The following SLC9B1 variants were observed in gnomAD, a reference collection of about 807,000 sequenced individuals.
SLC9B1 encodes solute carrier family 9 member B1, also known as sodium/hydrogen exchanger 9B1.
In SLC9B1, 32 loss-of-function variants were observed where a neutral mutation model predicts 51.7. The ratio of observed to expected loss-of-function variants is 0.62; its 90% CI spans 0.47 to 0.83. The LOEUF (loss-of-function observed/expected upper bound fraction) is 0.83, where lower values mean the gene tolerates loss of function less well. Among genes scored for constraint, SLC9B1 ranks in the 40% least tolerant of loss-of-function variants. The probability of loss-of-function intolerance (pLI) is 0.00; values close to 1 mark genes in which losing one functional copy is unlikely to be tolerated. For missense variants in SLC9B1, 406 were observed against 613.2 expected (o/e 0.66, Z 3.57); for synonymous variants, 145 against 212.7 (o/e 0.68, Z 2.77).
intron 1 of SLC9B1, among the ~76,000 whole-genome samples, chr4:102,997,939 GATA>G (rs1327088866): frequency 6.6e-6 from 1 of 151,962 alleles, no homozygotes; most frequent in African/African-American, 2.4e-5. Flanking sequence ...TGATTCCTTT[GATA>G]ATAATAATAT....
intron 3 of SLC9B1, among the ~76,000 whole-genome samples, chr4:102,967,726 CCATT>C (rs1738506947): frequency 1.3e-5 from 2 of 152,164 alleles, no homozygotes; most frequent in African/African-American, 4.8e-5. Flanking sequence ...CAAACACTTC[CCATT>C]AGGCCCCACC....
At chr4:102,891,455 C>T (rs1734245657) in intron 11 of SLC9B1, 1 of 152,150 alleles carries the variant, frequency 6.6e-6, no homozygotes, top group Non-Finnish European at 1.5e-5. Context: ...TCTCTGAGGA[C>T]ATCACTGTGA....
intron 3 of SLC9B1, among the ~76,000 whole-genome samples, chr4:102,950,440 T>G (rs1266551140): frequency 6.6e-6 from 1 of 152,234 alleles, no homozygotes; most frequent in Non-Finnish European, 1.5e-5. Flanking sequence ...AATAACATGG[T>G]AAATTTCCAT....
intron 1 of SLC9B1, among the ~76,000 whole-genome samples, chr4:102,997,380 G>A (rs1237314410): frequency 6.6e-6 from 1 of 152,096 alleles, no homozygotes; most frequent in East Asian, 1.9e-4. Context: ...TCAATGTACA[G>A]AACAGTATGT....
chr4:102,974,243 A>AAAAAAAT (rs1738931847), intron 3 of SLC9B1, among the ~76,000 whole-genome samples: 1 of 47,912 alleles, frequency 2.1e-5, no homozygotes, highest in Non-Finnish European at 3.7e-5. Context: ...TCTAAAATTG[A>AAAAAAAT]AAAAAAAAAA....
chr4:102,932,118 GT>G lies in SLC9B1; in HGVS notation c.829+5del. Reference sequence around the variant, plus strand: ...GATCTAGTGGTTGTTATATTTTCTTGTTTACCTGAGGAAAAGACTATGCTCA... The same window carrying G: ...GATCTAGTGGTTGTTATATTTTCTTGTTACCTGAGGAAAAGACTATGCTCA... On this transcript the variant is annotated splice_donor_5th_base_variant and intron_variant, in intron 7 of 11. Coordinates refer to ENST00000296422, the MANE Select transcript of SLC9B1 (RefSeq NM_139173.4). The G allele has an allele frequency of 5.0e-6, 8 of 1,611,574 alleles. No individual in the cohort carries two copies. Among genetic ancestry groups the G allele is most frequent in the Non-Finnish European group, 6.8e-6 (8 of 1,179,574 alleles).
At chr4:103,000,246 A>G (rs1479659871) in intron 1 of SLC9B1, among the ~76,000 whole-genome samples, 1 of 152,182 alleles carries the variant, frequency 6.6e-6, no homozygotes, top group Non-Finnish European at 1.5e-5. Context: ...CATGTCCTTT[A>G]TACATTTCAA....
intron 3 of SLC9B1, among the ~76,000 whole-genome samples, chr4:102,970,253 C>T (rs916137956): frequency 2.0e-5 from 3 of 152,118 alleles, no homozygotes; most frequent in African/African-American, 7.2e-5. Context: ...GTCGGGTTAG[C>T]CACAAAGGGA....
At chr4:103,019,578 G>A (rs895408872) in intron 1 of SLC9B1, 21 bp downstream of exon 1, 7 of 985,278 alleles carry the variant, frequency 7.1e-6, no homozygotes, top group Non-Finnish European at 7.2e-6. Flanking sequence ...GAAGGGCGGC[G>A]TTAAGAAAAA....
At chr4:102,977,926 T>C (rs1403226982) in intron 3 of SLC9B1, among the ~76,000 whole-genome samples, 6 of 152,140 alleles carry the variant, frequency 3.9e-5, no homozygotes, top group Non-Finnish European at 5.9e-5. Flanking sequence ...TCATTTAACA[T>C]TAGGTGTATC....
intron 1 of SLC9B1, among the ~76,000 whole-genome samples, chr4:103,006,184 G>T (rs1740777503): frequency 6.6e-6 from 1 of 151,358 alleles, no homozygotes; most frequent in Admixed American, 6.6e-5. Flanking sequence ...GAATAAATAA[G>T]ATTATTTAAA....
intron 1 of SLC9B1, among the ~76,000 whole-genome samples, chr4:103,010,875 CACAA>C (rs1478680500): frequency 4.6e-5 from 7 of 152,194 alleles, no homozygotes; most frequent in South Asian, 2.1e-4. Context: ...ATTGGAGGGA[CACAA>C]ACATTCAAAC....
At chr4:103,001,164 G>A (rs1166431980) in intron 1 of SLC9B1, among the ~76,000 whole-genome samples, 1 of 152,226 alleles carries the variant, frequency 6.6e-6, no homozygotes, top group African/African-American at 2.4e-5. Flanking sequence ...GTTAGCCATG[G>A]CTGGGATGCA....
intron 3 of SLC9B1, among the ~76,000 whole-genome samples, chr4:102,955,786 AAAAG>A (rs917350068): frequency 4.0e-5 from 6 of 151,774 alleles, no homozygotes; most frequent in African/African-American, 1.2e-4. Flanking sequence ...GTAAAATTAA[AAAAG>A]AAAGAAAGAG....
chr4:102,966,411 C>A (rs1371333934), intron 3 of SLC9B1, among the ~76,000 whole-genome samples: 1 of 152,222 alleles, frequency 6.6e-6, no homozygotes, highest in African/African-American at 2.4e-5. Flanking sequence ...CAAGGCTTAC[C>A]ACTTGCACCC....
intron 1 of SLC9B1, among the ~76,000 whole-genome samples, chr4:103,010,287 G>T (rs952984991): frequency 6.6e-6 from 1 of 152,218 alleles, no homozygotes; most frequent in South Asian, 2.1e-4. Flanking sequence ...CTGGAGGGGA[G>T]GGAGTCTATG....
intron 7 of SLC9B1, among the ~76,000 whole-genome samples, chr4:102,928,465 C>A (rs1736297152): frequency 6.6e-6 from 1 of 152,216 alleles, no homozygotes; most frequent in African/African-American, 2.4e-5. Context: ...TTCAACAAGT[C>A]TCTAGGCAGT....
intron 3 of SLC9B1, among the ~76,000 whole-genome samples, chr4:102,976,936 C>T (rs1217177903): frequency 6.6e-6 from 1 of 152,012 alleles, no homozygotes; most frequent in Non-Finnish European, 1.5e-5. Flanking sequence ...ATGGCTTGAG[C>T]CCAGAAGTTG....
chr4:102,980,974 T>C (rs533046640), intron 3 of SLC9B1, among the ~76,000 whole-genome samples: 3 of 152,172 alleles, frequency 2.0e-5, no homozygotes, highest in African/African-American at 7.2e-5. Flanking sequence ...TTCACTGCCC[T>C]AAAAATCCTC....
Sources: allele counts gnomAD v4.1 joint callset (sites outside exome capture counted in the v4.1 genomes callset), GRCh38; gene constraint gnomAD v4.1.1; transcripts MANE v1.5; gene names NCBI Gene and HGNC (gene_info 2026-07-23, HGNC 2026-07-21).